CACNA2D2: variants seen among roughly 807,000 people sequenced by gnomAD.
CACNA2D2 encodes voltage-dependent calcium channel subunit alpha-2/delta-2.
Under a neutral mutation model 166.4 loss-of-function variants are expected in CACNA2D2, and 48 were observed. The ratio of observed to expected loss-of-function variants is 0.29; its 90% CI spans 0.23 to 0.37. The LOEUF is 0.37. Among genes scored for constraint, CACNA2D2 ranks in the 10% least tolerant of loss-of-function variants. The pLI is 1.00. For synonymous variants in CACNA2D2, 561 were observed against 573.7 expected (o/e 0.98, Z 0.32); for missense variants, 1,122 against 1,433.0 (o/e 0.78, Z 3.50).
intron 4 of CACNA2D2, among the ~76,000 whole-genome samples, chr3:50,387,950 G>A (rs1705695019): frequency 6.6e-6 from 1 of 152,216 alleles, no homozygotes; most frequent in Non-Finnish European, 1.5e-5. Flanking sequence ...AGGGAGTGAG[G>A]AAGACGGAGA....
chr3:50,456,179 G>A (rs1020356802), intron 2 of CACNA2D2, among the ~76,000 whole-genome samples: 3 of 152,200 alleles, frequency 2.0e-5, no homozygotes, highest in Admixed American at 2.0e-4. Context: ...GGCTAGCAAT[G>A]GTAGACAAGG....
chr3:50,431,828 T>C (rs189487248), intron 3 of CACNA2D2, among the ~76,000 whole-genome samples: 102 of 151,704 alleles, frequency 6.7e-4, no homozygotes, highest in African/African-American at 2.3e-3. Context: ...CTACTAAAAA[T>C]ACATAAATTA....
At chr3:50,387,193 C>T (rs947661477) in intron 5 of CACNA2D2, among the ~76,000 whole-genome samples, 12 of 152,114 alleles carry the variant, frequency 7.9e-5, no homozygotes, top group African/African-American at 2.9e-4. Flanking sequence ...CCTGGAAATG[C>T]ACCTGGACGT....
chr3:50,376,204 G>T lies in CACNA2D2; in HGVS notation c.1627-16C>A. 1 of 1,612,890 alleles carries T rather than the reference G, an allele frequency of 6.2e-7. No individual in the cohort carries two copies. The highest frequency in any genetic ancestry group is 8.5e-7 in the Non-Finnish European group (1 of 1,179,766). ...TGGCTCCAAGCTGGAGGCACAGATT[G>T]GGGGCTCAGGGTCTGGAGGGATGGG... is the stretch of plus-strand genomic sequence containing the variant. On this transcript the variant is annotated splice_polypyrimidine_tract_variant and intron_variant, in intron 17 of 37. Coordinates refer to ENST00000424201, the MANE Select transcript of CACNA2D2 (RefSeq NM_006030.4). The surrounding 1 kb of genome is among the most constrained non-coding windows in gnomAD (Gnocchi z 4.3).
chr3:50,367,750 G>A lies in CACNA2D2; in HGVS notation c.2235-46C>T, dbSNP rs1704416517. 6.2e-7 allele frequency: 1 copy of A among 1,612,114 alleles called. No homozygotes were observed. The highest frequency in any genetic ancestry group is 2.2e-5 in the East Asian group (1 of 44,870). Reference sequence around the variant, plus strand: ...GGGTCACAGGCCTGCCTTCTGCTGGGCAGGTCCAGGGCCTCTGGGCCCATC... The same window carrying A: ...GGGTCACAGGCCTGCCTTCTGCTGGACAGGTCCAGGGCCTCTGGGCCCATC... On this transcript the variant is annotated intron_variant, in intron 25 of 37. Transcript: ENST00000424201. The surrounding 1 kb of genome is among the most constrained non-coding windows in gnomAD (Gnocchi z 6.5).
chr3:50,410,334 A>T (rs1344922960), intron 3 of CACNA2D2, among the ~76,000 whole-genome samples: 1 of 152,216 alleles, frequency 6.6e-6, no homozygotes, highest in Non-Finnish European at 1.5e-5. Context: ...ATCCTCACTC[A>T]TTCTCACAGG....
chr3:50,412,631 TA>T (rs1426991186), intron 3 of CACNA2D2, among the ~76,000 whole-genome samples: 6 of 131,792 alleles, frequency 4.6e-5, no homozygotes, highest in East Asian at 2.1e-4. Flanking sequence ...AGGGAGAGGA[TA>T]GGGGTGGGGG....
intron 1 of CACNA2D2, among the ~76,000 whole-genome samples, chr3:50,481,710 T>C (rs11715725): frequency 0.06 from 9,109 of 152,238 alleles, 390 homozygotes; most frequent in Non-Finnish European, 0.087. Context: ...TAAAATAAAG[T>C]GCAGGCTGGG....
intron 1 of CACNA2D2, among the ~76,000 whole-genome samples, chr3:50,502,993 T>G (rs1316529703): frequency 6.6e-6 from 1 of 152,066 alleles, no homozygotes; most frequent in East Asian, 1.9e-4. Flanking sequence ...TTCGGGGGAT[T>G]TGGGGGAAGC....
At chr3:50,432,182 G>A (rs573388336) in intron 3 of CACNA2D2, among the ~76,000 whole-genome samples, 11 of 152,076 alleles carry the variant, frequency 7.2e-5, no homozygotes, top group East Asian at 1.9e-4. Flanking sequence ...CCAAGCTATC[G>A]GAGTTGATTG....
At chr3:50,423,753 G>A (rs572674545) in intron 3 of CACNA2D2, among the ~76,000 whole-genome samples, 5 of 152,362 alleles carry the variant, frequency 3.3e-5, no homozygotes, top group Non-Finnish European at 5.9e-5. Flanking sequence ...CCCGACAACC[G>A]TGCCCAGCCT....
chr3:50,375,991 G>C lies in CACNA2D2; in HGVS notation c.1745C>G (p.Ala582Gly), dbSNP rs760604912. The C allele has an allele frequency of 6.2e-7, 1 of 1,613,136 alleles. No individual in the cohort carries two copies. Among genetic ancestry groups the C allele is most frequent in the African/African-American group, 1.3e-5 (1 of 74,890 alleles). ...TTCCTTGTTCTCATCCTCTAGCTCC[G>C]CATCCAGGAAGTCCAGAGTCACAGG... Reference protein sequence around the residue: ...REPVTLDFLDAELEDENKEEI... With the variant: ...REPVTLDFLDGELEDENKEEI... The change falls in exon 19 of 38, where the codon GCG becomes GGG. Residue 582 changes from alanine to glycine, a missense_variant. By Grantham distance (60) the Ala-to-Gly change is moderately conservative (BLOSUM62 0). Around this residue, in one of 2 missense-constraint regions of CACNA2D2, gnomAD observed 840 missense variants for 1,166.8 expected, o/e 0.72. Coordinates refer to ENST00000424201, the MANE Select transcript of CACNA2D2 (RefSeq NM_006030.4). This position sits in a 1 kb window ranked among gnomAD's most constrained non-coding sequence, Gnocchi z 4.0.
intron 4 of CACNA2D2, among the ~76,000 whole-genome samples, chr3:50,392,889 T>G (rs1705950486): frequency 6.6e-6 from 1 of 152,166 alleles, no homozygotes; most frequent in Non-Finnish European, 1.5e-5. Context: ...AGTAACTAGC[T>G]CATTCATTTG....
At chr3:50,408,467 G>C (rs1706829348) in intron 3 of CACNA2D2, among the ~76,000 whole-genome samples, 1 of 152,186 alleles carries the variant, frequency 6.6e-6, no homozygotes, top group Admixed American at 6.5e-5. Flanking sequence ...GGCAGACAAA[G>C]GGCTGGAGGT....
intron 5 of CACNA2D2, 70 bp from the exon 6 acceptor site, chr3:50,384,407 G>A: frequency 6.4e-7 from 1 of 1,566,528 alleles, no homozygotes; most frequent in South Asian, 1.2e-5. Context: ...AGGCCTGCAA[G>A]TAGGGGCAGG....
intron 1 of CACNA2D2, among the ~76,000 whole-genome samples, chr3:50,479,172 T>G (rs1482974314): frequency 6.6e-6 from 1 of 152,168 alleles, no homozygotes; most frequent in African/African-American, 2.4e-5. Flanking sequence ...TCTCCCTCCC[T>G]CCTTGTCTCT....
At chr3:50,413,628 C>G (rs1198011457) in intron 3 of CACNA2D2, among the ~76,000 whole-genome samples, 1 of 152,158 alleles carries the variant, frequency 6.6e-6, no homozygotes, top group Non-Finnish European at 1.5e-5. Flanking sequence ...GGGTGGATCA[C>G]TTGAGGCCAG....
chr3:50,413,849 A>AAAATAAATAAATAAAT lies in CACNA2D2; in HGVS notation c.406-19682_406-19681insATTTATTTATTTATTT, dbSNP rs59688623. ...GTGACAGATTGAGACTCCGTCTCAAAAAATAAATAAATAAAAGGCTCCTCA... is the reference window on the plus strand; with the variant it reads ...GTGACAGATTGAGACTCCGTCTCAAAAAATAAATAAATAAATAAATAAATAAATAAAAGGCTCCTCA... On this transcript the variant is annotated intron_variant, in intron 3 of 37. Transcript: ENST00000424201. Among the ~76,000 whole-genome samples the AAAATAAATAAATAAAT allele has an allele frequency of 1.3e-3, 204 of 151,272 alleles. 1 individual carries two copies. Among genetic ancestry groups the AAAATAAATAAATAAAT allele is most frequent in the African/African-American group, 4.1e-3 (166 of 40,940 alleles).
Position 50,365,629 on chromosome 3 carries a change from C to G in CACNA2D2, c.2971+4G>C. On this transcript the variant is annotated splice_donor_region_variant and intron_variant, in intron 34 of 37. Transcript: ENST00000424201. This position sits in a 1 kb window ranked among gnomAD's most constrained non-coding sequence, Gnocchi z 4.5. ...TGAGGAGGCGCCTCCAAAGCCCTACCTACCTGCTTGGAACCAGCTGTGGTA... is the reference window on the plus strand; with the variant it reads ...TGAGGAGGCGCCTCCAAAGCCCTACGTACCTGCTTGGAACCAGCTGTGGTA... 1 of 1,576,322 alleles carries G rather than the reference C, an allele frequency of 6.3e-7. No homozygotes were observed.
Sources: allele counts gnomAD v4.1 joint callset (sites outside exome capture counted in the v4.1 genomes callset), GRCh38; gene constraint gnomAD v4.1.1; regional missense constraint gnomAD v4.1.1; non-coding constraint Gnocchi (gnomAD v3.1); transcripts MANE v1.5; gene names NCBI Gene and HGNC (gene_info 2026-07-23, HGNC 2026-07-21).